PTPRD: variants seen among roughly 807,000 people sequenced by gnomAD.
PTPRD encodes the protein protein tyrosine phosphatase receptor type D, also known as receptor-type tyrosine-protein phosphatase delta.
In PTPRD, 34 loss-of-function variants were observed where a neutral mutation model predicts 214.5. That is an observed-to-expected ratio of 0.16 (90% CI 0.12 to 0.21). The LOEUF (loss-of-function observed/expected upper bound fraction) is 0.21, where lower values mean the gene tolerates loss of function less well. Among genes scored for constraint, PTPRD ranks in the 10% least tolerant of loss-of-function variants. The pLI, the probability that PTPRD is intolerant of heterozygous loss-of-function variation, is 1.00. For synonymous variants in PTPRD, 1,128 were observed against 845.7 expected, an observed-to-expected ratio of 1.33 and a Z score of -5.79; for missense variants, 2,545 against 2,398.7, an observed-to-expected ratio of 1.06 and a Z score of -1.27.
chr9:9,373,757 G>T (rs2060113556), intron 9 of PTPRD, among the ~76,000 whole-genome samples: 1 of 152,232 alleles, frequency 6.6e-6, no homozygotes, highest in East Asian at 1.9e-4. Flanking sequence ...CTTTTGCAAA[G>T]ATTTGACTAT....
intron 11 of PTPRD, among the ~76,000 whole-genome samples, chr9:9,003,241 T>C (rs2099430660): frequency 6.6e-6 from 1 of 152,066 alleles, no homozygotes. Flanking sequence ...AGTGTGGTTC[T>C]GGATTCTGGT....
At chr9:9,987,025 G>C (rs1205564577) in intron 4 of PTPRD, among the ~76,000 whole-genome samples, 2 of 152,122 alleles carry the variant, frequency 1.3e-5, no homozygotes, top group African/African-American at 2.4e-5. Flanking sequence ...CAGGAAAGTA[G>C]CTAGTGTATA....
intron 11 of PTPRD, among the ~76,000 whole-genome samples, chr9:8,968,959 G>A (rs1270010436): frequency 6.6e-6 from 1 of 151,992 alleles, no homozygotes; most frequent in African/African-American, 2.4e-5. Context: ...TTAATTTGTA[G>A]TGTCTAAAAC....
At chr9:9,986,041 C>A (rs940014707) in intron 4 of PTPRD, among the ~76,000 whole-genome samples, 2 of 152,010 alleles carry the variant, frequency 1.3e-5, no homozygotes, top group Non-Finnish European at 2.9e-5. Context: ...TTTTGTAATT[C>A]AAAAATCTCT....
At chr9:8,571,519 C>T (rs1322971209) in intron 14 of PTPRD, among the ~76,000 whole-genome samples, 1 of 152,044 alleles carries the variant, frequency 6.6e-6, no homozygotes, top group Non-Finnish European at 1.5e-5. Flanking sequence ...AGGAAATAAG[C>T]ATTTTGCCTA....
intron 3 of PTPRD, among the ~76,000 whole-genome samples, chr9:10,078,460 G>C (rs1408739640): frequency 7.0e-6 from 1 of 143,366 alleles, no homozygotes; most frequent in Non-Finnish European, 1.5e-5. Context: ...AGCTCGTAGT[G>C]AGCCAAGATC....
chr9:8,495,529 T>C (rs2097245186), intron 26 of PTPRD, among the ~76,000 whole-genome samples: 2 of 152,230 alleles, frequency 1.3e-5, no homozygotes, highest in South Asian at 4.1e-4. Flanking sequence ...ATGACCCATT[T>C]AGTAGGTTGT....
In PTPRD at chr9:8,462,568, A is replaced by G. The variant is rs1019333118; in HGVS notation, c.3715-1997T>C. ...TACGACACACAACACATTCCATCAC[A>G]GTGGGCTTCTTGCTACTACTCCCTA... On this transcript the variant is annotated intron_variant, in intron 32 of 45. Coordinates refer to ENST00000381196, the MANE Select transcript of PTPRD (RefSeq NM_002839.4). Among the ~76,000 whole-genome samples the G allele has an allele frequency of 3.9e-5, 6 of 152,108 alleles. 1 individual carries two copies. The South Asian group carries it at 6.2e-4, about 16-fold the overall frequency.
chr9:9,237,285 C>T (rs551294512), intron 9 of PTPRD, among the ~76,000 whole-genome samples: 22 of 152,180 alleles, frequency 1.4e-4, no homozygotes, highest in Middle Eastern at 3.4e-3. Context: ...CTAACCTTAC[C>T]TGGGCATGAT....
chr9:8,935,422 A>G (rs541256438), intron 11 of PTPRD, among the ~76,000 whole-genome samples: 443 of 18,764 alleles, frequency 0.024, 1 homozygote, highest in South Asian at 0.044. Context: ...AAAGATCTGT[A>G]CATAGAAAAC....
intron 10 of PTPRD, among the ~76,000 whole-genome samples, chr9:9,136,367 TTA>T (rs2099850895): frequency 6.6e-6 from 1 of 152,142 alleles, no homozygotes; most frequent in Non-Finnish European, 1.5e-5. Context: ...TATTATTTAC[TTA>T]TATATGTTAA....
At chr9:10,206,604 G>A (rs2099482312) in intron 3 of PTPRD, among the ~76,000 whole-genome samples, 2 of 152,192 alleles carry the variant, frequency 1.3e-5, no homozygotes, top group East Asian at 1.9e-4. Flanking sequence ...CTTATTGGAA[G>A]CCATGGAGAA....
At chr9:9,753,191 A>G (rs2154468555) in intron 6 of PTPRD, among the ~76,000 whole-genome samples, 1 of 152,132 alleles carries the variant, frequency 6.6e-6, no homozygotes, top group Admixed American at 6.6e-5. Flanking sequence ...CAAGGACATC[A>G]CTACTGTAAT....
intron 7 of PTPRD, among the ~76,000 whole-genome samples, chr9:9,674,868 G>T (rs1182431412): frequency 6.6e-6 from 1 of 151,796 alleles, no homozygotes; most frequent in East Asian, 1.9e-4. Flanking sequence ...GGATTGTGAA[G>T]TTAATCACAA....
intron 7 of PTPRD, among the ~76,000 whole-genome samples, chr9:9,641,069 G>T (rs1193699505): frequency 2.2e-5 from 2 of 91,530 alleles, no homozygotes. Context: ...GCTCCATGAG[G>T]TAATAATGAA....
intron 36 of PTPRD, among the ~76,000 whole-genome samples, chr9:8,399,246 T>A (rs2091930097): frequency 6.6e-6 from 1 of 152,136 alleles, no homozygotes; most frequent in African/African-American, 2.4e-5. Flanking sequence ...CATCCTTGTT[T>A]TATAAGAAAA....
Position 9,018,511 on chromosome 9 carries a change from A to T in PTPRD, c.-104+186T>A, listed in dbSNP as rs2099545787. Among the ~76,000 whole-genome samples, 2 of 152,196 alleles carry T rather than the reference A, an allele frequency of 1.3e-5. 1 individual carries two copies. The highest frequency in any genetic ancestry group is 4.8e-5 in the African/African-American group (2 of 41,460). ...TCTGCCTACTACATACAGAAAATTT[A>T]TGTATATTTTTTAAGACTCCAAATA... On this transcript the variant is annotated intron_variant, in intron 11 of 45. Transcript: ENST00000381196.
intron 6 of PTPRD, among the ~76,000 whole-genome samples, chr9:9,743,006 A>G (rs1374066511): frequency 3.9e-5 from 6 of 152,008 alleles, no homozygotes; most frequent in Non-Finnish European, 8.8e-5. Context: ...CATACCAATT[A>G]CTCCAAATGA....
At chr9:8,537,574 A>T (rs1208286359) in intron 14 of PTPRD, among the ~76,000 whole-genome samples, 1 of 152,040 alleles carries the variant, frequency 6.6e-6, no homozygotes, top group East Asian at 1.9e-4. Flanking sequence ...CACTGGATAC[A>T]AGAGTCTCGA....
Sources: gnomAD v4.1 joint callset for allele counts (sites outside exome capture counted in the v4.1 genomes callset) on GRCh38, gnomAD v4.1.1 for gene constraint, MANE v1.5 for transcripts, NCBI Gene and HGNC (gene_info 2026-07-23, HGNC 2026-07-21) for gene names.